Variants in ST8SIA1 observed in about 807,000 individuals in gnomAD.
ST8SIA1 encodes the protein ST8 alpha-N-acetyl-neuraminide alpha-2,8-sialyltransferase 1.
In ST8SIA1, 16 loss-of-function variants were observed where a neutral mutation model predicts 35.9. The observed-to-expected ratio is 0.45, with a 90% CI of 0.30 to 0.68. ST8SIA1 has a LOEUF of 0.68. Among genes scored for constraint, ST8SIA1 ranks in the 30% least tolerant of loss-of-function variants. ST8SIA1 has a pLI of 0.09. For synonymous variants in ST8SIA1, 170 were observed against 169.6 expected (o/e 1.00, Z -0.02); for missense variants, 383 against 453.6 (o/e 0.84, Z 1.41).
At chr12:22,281,140 C>T (rs1467911407) in intron 2 of ST8SIA1, among the ~76,000 whole-genome samples, 1 of 152,122 alleles carries the variant, frequency 6.6e-6, no homozygotes, top group African/African-American at 2.4e-5. Flanking sequence ...AGTCCGTAAA[C>T]ACTTTGAGAG....
rs113163693 is a variant in ST8SIA1, at chr12:22,333,968, G to A, written c.236+29C>T. On this transcript the variant is annotated intron_variant, in intron 1 of 4. Coordinates refer to ENST00000396037, the MANE Select transcript of ST8SIA1 (RefSeq NM_003034.4). ...TGCACTCGGGGAGGAAAGGACGCTA[G>A]AGGGGAGGAGCCGCGAGGGCAGGAG... 9 of 1,600,708 alleles carry A rather than the reference G, an allele frequency of 5.6e-6. No individual in the cohort carries two copies. The African/African-American group carries it at 6.7e-5, about 12-fold the overall frequency.
chr12:22,208,845 A>G (rs996691174), intron 4 of ST8SIA1, among the ~76,000 whole-genome samples: 18 of 152,190 alleles, frequency 1.2e-4, no homozygotes, highest in Non-Finnish European at 1.5e-4. Flanking sequence ...GATTTCCTTT[A>G]TGCCAAAAGT....
chr12:22,280,580 T>C (rs1483525130), intron 2 of ST8SIA1, among the ~76,000 whole-genome samples: 2 of 152,240 alleles, frequency 1.3e-5, no homozygotes, highest in South Asian at 2.1e-4. Context: ...CATGGCAAGA[T>C]AGAGCATTCC....
chr12:22,307,878 T>C (rs1243561793), intron 1 of ST8SIA1, among the ~76,000 whole-genome samples: 2 of 152,226 alleles, frequency 1.3e-5, no homozygotes, highest in African/African-American at 4.8e-5. Context: ...AAGCTTAACT[T>C]CTTTACTAAT....
chr12:22,217,177 C>T (rs1180518230), intron 4 of ST8SIA1, among the ~76,000 whole-genome samples: 3 of 152,082 alleles, frequency 2.0e-5, no homozygotes, highest in Non-Finnish European at 4.4e-5. Flanking sequence ...ATTGTACTTG[C>T]TGTTGTTTTG....
chr12:22,249,208 GTTTTGTT>G, intron 3 of ST8SIA1, 110 bp from the exon 4 acceptor site: 3 of 565,632 alleles, frequency 5.3e-6, no homozygotes, highest in African/African-American at 2.0e-5. Flanking sequence ...ACGAGTAACT[GTTTTGTT>G]TTTTGTTTTT....
intron 1 of ST8SIA1, among the ~76,000 whole-genome samples, chr12:22,328,914 A>G (rs1039370604): frequency 6.6e-6 from 1 of 152,190 alleles, no homozygotes; most frequent in Non-Finnish European, 1.5e-5. Flanking sequence ...TGGAATCAGA[A>G]TTTGAACACA....
At chr12:22,226,977 T>C (rs1865366472) in intron 4 of ST8SIA1, among the ~76,000 whole-genome samples, 1 of 152,116 alleles carries the variant, frequency 6.6e-6, no homozygotes. Flanking sequence ...AGATGGAGTC[T>C]GGCTCTGTTG....
chr12:22,230,129 A>C (rs534059717), intron 4 of ST8SIA1, among the ~76,000 whole-genome samples: 17 of 152,240 alleles, frequency 1.1e-4, no homozygotes, highest in Non-Finnish European at 1.9e-4. Context: ...CTTACAAAAT[A>C]ATGCTCTTAC....
At chr12:22,333,423 G>C (rs1262974884) in intron 1 of ST8SIA1, among the ~76,000 whole-genome samples, 2 of 152,182 alleles carry the variant, frequency 1.3e-5, no homozygotes. Flanking sequence ...ACAGCTGTTC[G>C]AGATTTCAAC....
intron 4 of ST8SIA1, among the ~76,000 whole-genome samples, chr12:22,241,044 A>C (rs1295413332): frequency 6.8e-6 from 1 of 146,774 alleles, no homozygotes; most frequent in Non-Finnish European, 1.5e-5. Context: ...AATCATGGCT[A>C]ACCTTAACCC....
intron 1 of ST8SIA1, chr12:22,325,535 C>T: frequency 1.4e-6 from 1 of 700,050 alleles, no homozygotes; most frequent in Admixed American, 2.0e-5. Context: ...AACAGTCAAA[C>T]TGTAAGCCTT....
At chr12:22,293,225 T>C (rs1866200863) in intron 1 of ST8SIA1, among the ~76,000 whole-genome samples, 1 of 152,244 alleles carries the variant, frequency 6.6e-6, no homozygotes, top group South Asian at 2.1e-4. Context: ...TCTGTAGGAC[T>C]GCAGACACGC....
chr12:22,322,249 C>A (rs898413782), intron 1 of ST8SIA1, among the ~76,000 whole-genome samples: 2 of 152,192 alleles, frequency 1.3e-5, no homozygotes, highest in Non-Finnish European at 2.9e-5. Context: ...AGTGGAGAGA[C>A]TGGAGAATGT....
chr12:22,267,103 A>G (rs955401026), intron 2 of ST8SIA1, among the ~76,000 whole-genome samples: 1 of 152,222 alleles, frequency 6.6e-6, no homozygotes, highest in Non-Finnish European at 1.5e-5. Flanking sequence ...CTAACCATAT[A>G]CCAGTCACTG....
intron 1 of ST8SIA1, among the ~76,000 whole-genome samples, chr12:22,318,236 T>C (rs1866543344): frequency 6.6e-6 from 1 of 152,210 alleles, no homozygotes; most frequent in Non-Finnish European, 1.5e-5. Flanking sequence ...TCAGAGACAG[T>C]GACTGTAGCC....
chr12:22,206,869 C>G (rs1865115823), intron 4 of ST8SIA1, among the ~76,000 whole-genome samples: 1 of 152,156 alleles, frequency 6.6e-6, no homozygotes, highest in South Asian at 2.1e-4. Context: ...TCTTAAACAT[C>G]TATAATTAGT....
intron 4 of ST8SIA1, among the ~76,000 whole-genome samples, chr12:22,237,844 G>A (rs771061337): frequency 2.5e-4 from 38 of 151,956 alleles, no homozygotes; most frequent in Admixed American, 2.4e-3. Context: ...CTAAAGGTTC[G>A]TTAATTGTGG....
intron 1 of ST8SIA1, among the ~76,000 whole-genome samples, chr12:22,320,703 GCTGGGCCTA>G (rs1483921520): frequency 6.6e-6 from 1 of 151,580 alleles, no homozygotes; most frequent in Non-Finnish European, 1.5e-5. Context: ...TTAAAAATTT[GCTGGGCCTA>G]CAGTCCCAGG....
Sources: gnomAD v4.1 joint callset for allele counts (sites outside exome capture counted in the v4.1 genomes callset) on GRCh38, gnomAD v4.1.1 for gene constraint, MANE v1.5 for transcripts, NCBI Gene and HGNC (gene_info 2026-07-23, HGNC 2026-07-21) for gene names.